PVT1: variants seen among roughly 807,000 people sequenced by gnomAD.
PVT1 encodes the protein CXCR4/PVT1 fusion.
chr8:127,853,719 T>A (rs1815129977), intron 2 of PVT1, among the ~76,000 whole-genome samples: 1 of 151,882 alleles, frequency 6.6e-6, no homozygotes, highest in South Asian at 2.1e-4. Flanking sequence ...AGGCAGAGAC[T>A]GTAATGAGCC....
chr8:128,005,629 G>T (rs1016503772), intron 4 of PVT1, among the ~76,000 whole-genome samples: 2 of 152,178 alleles, frequency 1.3e-5, no homozygotes, highest in South Asian at 2.1e-4. Context: ...CTCTCGGTTT[G>T]TCTGGCTCCT....
At chr8:128,077,659 G>C (rs1350992596) in intron 5 of PVT1, among the ~76,000 whole-genome samples, 1 of 152,174 alleles carries the variant, frequency 6.6e-6, no homozygotes, top group Non-Finnish European at 1.5e-5. Flanking sequence ...AAACAGGAAT[G>C]GTGATCGTTT....
At chr8:127,980,187 T>C (rs994533450) in intron 3 of PVT1, among the ~76,000 whole-genome samples, 1 of 152,142 alleles carries the variant, frequency 6.6e-6, no homozygotes, top group African/African-American at 2.4e-5. Context: ...TGGCCAAATA[T>C]CTGCTTTGCT....
intron 2 of PVT1, among the ~76,000 whole-genome samples, chr8:127,839,108 G>A (rs377282323): frequency 6.6e-6 from 1 of 152,238 alleles, no homozygotes; most frequent in South Asian, 2.1e-4. Flanking sequence ...TGTAATGTTC[G>A]CACAACGAAA....
At chr8:128,077,887 G>A (rs1387987863) in intron 5 of PVT1, among the ~76,000 whole-genome samples, 1 of 152,182 alleles carries the variant, frequency 6.6e-6, no homozygotes, top group Non-Finnish European at 1.5e-5. Context: ...ACAGATACTT[G>A]ATCTGAAATG....
At chr8:127,904,041 T>C (rs1011926640) in intron 3 of PVT1, among the ~76,000 whole-genome samples, 12 of 152,260 alleles carry the variant, frequency 7.9e-5, no homozygotes, top group Non-Finnish European at 2.9e-5. Flanking sequence ...ATGATTTTGA[T>C]TCTTCCAATC....
At chr8:127,896,735 A>T (rs530129313) in intron 3 of PVT1, among the ~76,000 whole-genome samples, 1 of 151,760 alleles carries the variant, frequency 6.6e-6, no homozygotes, top group Non-Finnish European at 1.5e-5. Flanking sequence ...CTAGATATTA[A>T]GCCCAGCATG....
chr8:127,922,106 G>A (rs927510622), intron 3 of PVT1, among the ~76,000 whole-genome samples: 3 of 151,916 alleles, frequency 2.0e-5, no homozygotes, highest in East Asian at 1.9e-4. Context: ...TGATCTGCCC[G>A]CCTTGGCCTC....
intron 2 of PVT1, among the ~76,000 whole-genome samples, chr8:127,870,443 A>G (rs1420104692): frequency 6.6e-6 from 1 of 152,186 alleles, no homozygotes; most frequent in Non-Finnish European, 1.5e-5. Flanking sequence ...TGCTGATGTA[A>G]GCCACCCAGT....
intron 4 of PVT1, among the ~76,000 whole-genome samples, chr8:128,011,484 T>C (rs1817314460): frequency 6.6e-6 from 1 of 152,106 alleles, no homozygotes; most frequent in African/African-American, 2.4e-5. Flanking sequence ...GAGGACACAA[T>C]GAGAAGGGAG....
chr8:127,996,084 A>G (rs576703001), intron 4 of PVT1, among the ~76,000 whole-genome samples: 169 of 152,166 alleles, frequency 1.1e-3, no homozygotes, highest in Non-Finnish European at 7.1e-4. Flanking sequence ...TTGCACTCCA[A>G]TTCCTCTCCC....
chr8:127,861,992 C>T (rs751819422), intron 2 of PVT1, among the ~76,000 whole-genome samples: 3 of 152,210 alleles, frequency 2.0e-5, no homozygotes, highest in Non-Finnish European at 2.9e-5. Context: ...TTGATGCATT[C>T]CCAGCTTGCT....
At chr8:128,047,358 G>A (rs1813628870) in intron 4 of PVT1, among the ~76,000 whole-genome samples, 1 of 152,172 alleles carries the variant, frequency 6.6e-6, no homozygotes, top group Non-Finnish European at 1.5e-5. Context: ...GAGGAGGCAG[G>A]GATAAGAGGA....
At chr8:128,065,993 CAATT>C (rs1423519635) in intron 4 of PVT1, among the ~76,000 whole-genome samples, 27 of 152,166 alleles carry the variant, frequency 1.8e-4, no homozygotes, top group Admixed American at 1.3e-3. Context: ...GATCCATAAA[CAATT>C]AAGGCATTTC....
intron 3 of PVT1, among the ~76,000 whole-genome samples, chr8:127,901,635 C>CT (rs1425506772): frequency 6.6e-6 from 1 of 151,942 alleles, no homozygotes; most frequent in Non-Finnish European, 1.5e-5. Context: ...TGGTCTCAAA[C>CT]TTTTGAACTT....
At chr8:128,085,878 G>A (rs2130159652) in intron 5 of PVT1, among the ~76,000 whole-genome samples, 1 of 152,324 alleles carries the variant, frequency 6.6e-6, no homozygotes, top group Non-Finnish European at 1.5e-5. Flanking sequence ...TTTGTGAAGT[G>A]TAAGAGGAGA....
chr8:127,845,303 G>C (rs988796976), intron 2 of PVT1, among the ~76,000 whole-genome samples: 7 of 152,152 alleles, frequency 4.6e-5, no homozygotes, highest in African/African-American at 1.7e-4. Context: ...CTTGGATCTA[G>C]ATTATTGTTG....
chr8:127,987,407 C>T (rs1816982177), intron 3 of PVT1, among the ~76,000 whole-genome samples: 2 of 151,922 alleles, frequency 1.3e-5, no homozygotes, highest in Admixed American at 6.6e-5. Flanking sequence ...TTCATTTGCT[C>T]CCTTGGCCCC....
intron 4 of PVT1, among the ~76,000 whole-genome samples, chr8:128,020,370 A>C (rs1277300784): frequency 3.3e-5 from 5 of 152,222 alleles, no homozygotes; most frequent in Admixed American, 3.3e-4. Flanking sequence ...GGGCCCTTAA[A>C]GGCAGAGGTT....
Sources: gnomAD v4.1 joint callset for allele counts (sites outside exome capture counted in the v4.1 genomes callset) on GRCh38, gnomAD v4.1.1 for gene constraint, MANE v1.5 for transcripts, NCBI Gene and HGNC (gene_info 2026-07-23, HGNC 2026-07-21) for gene names.